Variants in PTPRR observed in about 807,000 individuals in gnomAD.
PTPRR encodes protein tyrosine phosphatase receptor type R.
PTPRR carries 38 observed loss-of-function variants against 77.2 expected under a neutral mutation model. That is an observed-to-expected ratio of 0.49 (90% confidence interval 0.38 to 0.65). PTPRR has a LOEUF of 0.65. Ranked by LOEUF, PTPRR falls within the 30% of genes least tolerant of loss-of-function variation. The probability of loss-of-function intolerance (pLI) is 0.00; values close to 1 mark genes in which losing one functional copy is unlikely to be tolerated. For missense variants in PTPRR, 744 were observed against 799.2 expected (o/e 0.93, Z 0.83); for synonymous variants, 299 against 283.1 (o/e 1.06, Z -0.57).
chr12:70,817,325 G>C (rs527993877), intron 2 of PTPRR, among the ~76,000 whole-genome samples: 194 of 152,104 alleles, frequency 1.3e-3, no homozygotes, highest in Non-Finnish European at 2.5e-3. Context: ...AGATAGAATA[G>C]AGAAAGATGC....
chr12:70,834,282 A>G (rs1034498131), intron 2 of PTPRR, among the ~76,000 whole-genome samples: 8 of 152,164 alleles, frequency 5.3e-5, no homozygotes, highest in African/African-American at 1.7e-4. Context: ...TTTGCTCCAT[A>G]TTTATGGTGA....
chr12:70,766,546 C>T (rs985448138), intron 2 of PTPRR, among the ~76,000 whole-genome samples: 2 of 151,974 alleles, frequency 1.3e-5, no homozygotes, highest in Non-Finnish European at 2.9e-5. Flanking sequence ...GATTGGTGTA[C>T]TTGAACGTGA....
intron 2 of PTPRR, among the ~76,000 whole-genome samples, chr12:70,814,037 G>A (rs1429434077): frequency 6.6e-6 from 1 of 152,172 alleles, no homozygotes; most frequent in African/African-American, 2.4e-5. Flanking sequence ...GTACTGACAA[G>A]AGTATTCAGA....
At chr12:70,691,371 C>T (rs1431773934) in intron 8 of PTPRR, among the ~76,000 whole-genome samples, 1 of 152,134 alleles carries the variant, frequency 6.6e-6, no homozygotes, top group Non-Finnish European at 1.5e-5. Context: ...TTCCTGCTCC[C>T]TTTTCGGTGG....
At chr12:70,648,803 G>A (rs548897355) in intron 13 of PTPRR, among the ~76,000 whole-genome samples, 2 of 152,078 alleles carry the variant, frequency 1.3e-5, no homozygotes, top group Admixed American at 1.3e-4. Context: ...TGGGAATGAA[G>A]GGATGATCCC....
In PTPRR at chr12:70,784,066, G is replaced by T. The variant is rs894407124; in HGVS notation, c.358-19288C>A. Among the ~76,000 whole-genome samples the T allele has an allele frequency of 2.9e-3, 377 of 127,798 alleles. 5 individuals carry two copies. Among genetic ancestry groups the T allele is most frequent in the African/African-American group, 0.012 (342 of 28,104 alleles). The allele number at this position is 127,798 out of a possible 152,430, so 83.8% of individuals were successfully genotyped here. A position where few individuals can be genotyped will look rare whatever the true frequency, so the allele number is the denominator to read the frequency against. On this transcript the variant is annotated intron_variant, in intron 2 of 13. Transcript: ENST00000283228. Reference sequence around the variant, plus strand: ...AGAATGCAGGGATGCCTGGGTCTGCGGTTTGGGTGGCTGCAGCTGAGGGCA... The same window carrying T: ...AGAATGCAGGGATGCCTGGGTCTGCTGTTTGGGTGGCTGCAGCTGAGGGCA...
chr12:70,867,500 A>G (rs1371359515), intron 2 of PTPRR, among the ~76,000 whole-genome samples: 1 of 152,104 alleles, frequency 6.6e-6, no homozygotes, highest in East Asian at 1.9e-4. Context: ...GACCTCTTCA[A>G]GGAGAACTAC....
intron 6 of PTPRR, among the ~76,000 whole-genome samples, chr12:70,715,321 A>C (rs1888983893): frequency 6.6e-6 from 1 of 152,192 alleles, no homozygotes. Flanking sequence ...ATAGAATATC[A>C]CAAGGCAAAT....
chr12:70,916,633 A>C (rs1296371790), intron 1 of PTPRR, among the ~76,000 whole-genome samples: 1 of 150,960 alleles, frequency 6.6e-6, no homozygotes, highest in African/African-American at 2.4e-5. Flanking sequence ...AATAGGAAAA[A>C]CAAATTCTGG....
chr12:70,868,974 A>T (rs1213530282), intron 2 of PTPRR, among the ~76,000 whole-genome samples: 1 of 145,036 alleles, frequency 6.9e-6, no homozygotes, highest in Non-Finnish European at 1.5e-5. Flanking sequence ...CATAGGTGGG[A>T]ATTGAGCAAT....
chr12:70,803,463 G>A (rs150913575), intron 2 of PTPRR, among the ~76,000 whole-genome samples: 2,831 of 152,236 alleles, frequency 0.019, 45 homozygotes, highest in Non-Finnish European at 0.029. Context: ...GCAAATTCAA[G>A]TAGACAAGAG....
At chr12:70,708,818 A>ACG (rs1225878969) in intron 6 of PTPRR, among the ~76,000 whole-genome samples, 1 of 111,128 alleles carries the variant, frequency 9.0e-6, no homozygotes, top group African/African-American at 4.4e-5. Context: ...AAATACAAAC[A>ACG]CACACACACA....
chr12:70,646,551 C>T (rs893353120), intron 13 of PTPRR, among the ~76,000 whole-genome samples: 1 of 152,084 alleles, frequency 6.6e-6, no homozygotes, highest in Non-Finnish European at 1.5e-5. Flanking sequence ...AGGAAAATGT[C>T]CTGGCAGCCA....
intron 2 of PTPRR, among the ~76,000 whole-genome samples, chr12:70,821,805 C>G (rs1345756326): frequency 6.6e-6 from 1 of 152,118 alleles, no homozygotes; most frequent in Non-Finnish European, 1.5e-5. Context: ...GCTGGGACTA[C>G]AGGCGCCCGC....
chr12:70,716,710 G>A (rs570252336), intron 6 of PTPRR, among the ~76,000 whole-genome samples: 1 of 152,274 alleles, frequency 6.6e-6, no homozygotes. Flanking sequence ...TGCTGGGCGT[G>A]GTGGCTCATG....
rs142691396 is a variant in PTPRR, at chr12:70,666,935, G to GTTTTTTTT, written c.1498-4338_1498-4331dup. On this transcript the variant is annotated intron_variant, in intron 10 of 13. Coordinates refer to ENST00000283228, the MANE Select transcript of PTPRR (RefSeq NM_002849.4). The stretch of plus-strand genomic sequence containing the variant: ...TTTTTGATTAACTGTGTGTTTTTCT[G>GTTTTTTTT]TTTTTTTTTTTTTTTTTTTTTTTTT... Among the ~76,000 whole-genome samples the GTTTTTTTT allele has an allele frequency of 9.3e-3, 269 of 29,040 alleles. 96 individuals carry two copies. The highest frequency in any genetic ancestry group is 0.021 in the Non-Finnish European group (226 of 10,896). 19.1% of individuals were successfully genotyped at this position (29,040 alleles called of 152,430 possible).
intron 8 of PTPRR, among the ~76,000 whole-genome samples, chr12:70,685,338 A>G (rs1887822575): frequency 6.6e-6 from 1 of 152,018 alleles, no homozygotes; most frequent in Admixed American, 6.6e-5. Flanking sequence ...GGTTGCAAAG[A>G]TAAAGATAAA....
intron 2 of PTPRR, among the ~76,000 whole-genome samples, chr12:70,861,757 T>C (rs551103721): frequency 6.6e-6 from 1 of 152,206 alleles, no homozygotes; most frequent in South Asian, 2.1e-4. Context: ...AGTTATGATA[T>C]TGTTAAAGGG....
chr12:70,740,041 A>T (rs1211476018), intron 6 of PTPRR, among the ~76,000 whole-genome samples: 1 of 152,196 alleles, frequency 6.6e-6, no homozygotes, highest in Admixed American at 6.5e-5. Flanking sequence ...AATGGAGCCA[A>T]ATGGGGATTT....
Sources: allele counts gnomAD v4.1 joint callset (sites outside exome capture counted in the v4.1 genomes callset), GRCh38; gene constraint gnomAD v4.1.1; transcripts MANE v1.5; gene names NCBI Gene and HGNC (gene_info 2026-07-23, HGNC 2026-07-21).